Variants in KAT6B observed in about 807,000 individuals in gnomAD.
KAT6B encodes the protein lysine acetyltransferase 6B.
Under a neutral mutation model 187.5 loss-of-function variants are expected in KAT6B, and 10 were observed. The observed-to-expected ratio is 0.05, with a 90% CI of 0.03 to 0.09. The LOEUF (loss-of-function observed/expected upper bound fraction) is 0.09. KAT6B is among the 10% of genes least tolerant of loss of function. The probability of loss-of-function intolerance (pLI) is 1.00; values close to 1 mark genes in which losing one functional copy is unlikely to be tolerated. For missense variants in KAT6B, 1,952 were observed against 2,558.9 expected, an observed-to-expected ratio of 0.76 and a Z score of 5.12; for synonymous variants, 861 against 926.8, an observed-to-expected ratio of 0.93 and a Z score of 1.29.
chr10:74,919,780 C>CTT (rs1014971072), intron 3 of KAT6B, among the ~76,000 whole-genome samples: 8 of 152,252 alleles, frequency 5.3e-5, no homozygotes, highest in Admixed American at 5.2e-4. Context: ...TGCTCTATGC[C>CTT]TTTACCCTCT....
At chr10:74,970,828 A>T (rs1358373169) in intron 6 of KAT6B, among the ~76,000 whole-genome samples, 1 of 152,222 alleles carries the variant, frequency 6.6e-6, no homozygotes. Context: ...AACATTCTGT[A>T]CATGTTTTTG....
intron 3 of KAT6B, among the ~76,000 whole-genome samples, chr10:74,905,391 T>C (rs1225117881): frequency 6.6e-6 from 1 of 152,114 alleles, no homozygotes; most frequent in African/African-American, 2.4e-5. Context: ...CAGGCAGTTG[T>C]TGATTGACTG....
chr10:74,901,550 G>A (rs1846397546), intron 3 of KAT6B, among the ~76,000 whole-genome samples: 1 of 152,158 alleles, frequency 6.6e-6, no homozygotes, highest in East Asian at 1.9e-4. Context: ...GCCTCTGTTG[G>A]CTTGTTTAAG....
chr10:74,996,765 T>C, intron 13 of KAT6B, among the ~76,000 whole-genome samples: 1 of 47,580 alleles, frequency 2.1e-5, no homozygotes, highest in South Asian at 1.0e-3. Context: ...CGAGACTCGG[T>C]CTCAAAAAAA....
At chr10:74,950,039 C>A (rs10762649) in intron 3 of KAT6B, among the ~76,000 whole-genome samples, 37,517 of 151,900 alleles carry the variant, frequency 0.25, 8,358 homozygotes, top group African/African-American at 0.59. Flanking sequence ...TATAGTGCTC[C>A]CTCACAGAAC....
intron 3 of KAT6B, among the ~76,000 whole-genome samples, chr10:74,932,821 C>G (rs918636979): frequency 2.0e-5 from 3 of 152,172 alleles, no homozygotes; most frequent in Admixed American, 6.5e-5. Flanking sequence ...CATCTGTTCT[C>G]CTCCAGGAAC....
intron 3 of KAT6B, among the ~76,000 whole-genome samples, chr10:74,888,299 C>T (rs1193657513): frequency 6.6e-6 from 1 of 151,976 alleles, no homozygotes; most frequent in Non-Finnish European, 1.5e-5. Flanking sequence ...AAGACAAAAT[C>T]ACAAATATAA....
intron 16 of KAT6B, 132 bp from the exon 17 acceptor site, chr10:75,024,826 A>G: frequency 1.2e-6 from 1 of 804,784 alleles, no homozygotes; most frequent in Non-Finnish European, 2.1e-6. Context: ...TGGAAGGTTA[A>G]GTACAAAGGC....
chr10:74,944,410 A>T (rs184701544), intron 3 of KAT6B, among the ~76,000 whole-genome samples: 1 of 152,258 alleles, frequency 6.6e-6, no homozygotes, highest in African/African-American at 2.4e-5. Flanking sequence ...ATCTGACAAT[A>T]TATTGCAGTG....
chr10:75,014,346 AAG>A (rs1207071789), intron 13 of KAT6B, among the ~76,000 whole-genome samples: 1 of 152,192 alleles, frequency 6.6e-6, no homozygotes, highest in African/African-American at 2.4e-5. Flanking sequence ...TAAAGAGAGA[AAG>A]AGAGAATCTA....
At chr10:75,014,003 T>G (rs1414301027) in intron 13 of KAT6B, among the ~76,000 whole-genome samples, 1 of 152,244 alleles carries the variant, frequency 6.6e-6, no homozygotes. Context: ...CATCTTTGTT[T>G]AGTGCACATG....
chr10:74,866,371 A>G (rs2132346232), intron 3 of KAT6B, among the ~76,000 whole-genome samples: 1 of 152,144 alleles, frequency 6.6e-6, no homozygotes, highest in Middle Eastern at 3.4e-3. Context: ...ATGTATAAAT[A>G]TATGTGTGAA....
chr10:74,889,992 A>T (rs1377349703), intron 3 of KAT6B, among the ~76,000 whole-genome samples: 2 of 151,996 alleles, frequency 1.3e-5, no homozygotes, highest in Non-Finnish European at 2.9e-5. Flanking sequence ...CTTGGCCAAG[A>T]TGCCATTTGA....
intron 6 of KAT6B, among the ~76,000 whole-genome samples, 174 bp from the exon 7 acceptor site, chr10:74,972,333 A>G (rs1386551461): frequency 6.6e-6 from 1 of 152,186 alleles, no homozygotes; most frequent in Non-Finnish European, 1.5e-5. Flanking sequence ...CTCCAGGGAA[A>G]TTGACCTTAG....
chr10:74,834,710 G>T (rs909091709), intron 1 of KAT6B, among the ~76,000 whole-genome samples: 4 of 151,048 alleles, frequency 2.6e-5, no homozygotes, highest in Non-Finnish European at 5.9e-5. Context: ...TGTAGAGGTA[G>T]GGTCTTGTTG....
intron 3 of KAT6B, among the ~76,000 whole-genome samples, chr10:74,851,801 T>G (rs766949469): frequency 6.6e-6 from 1 of 152,222 alleles, no homozygotes; most frequent in Non-Finnish European, 1.5e-5. Flanking sequence ...ATATGAAATA[T>G]TTCTACAAAT....
chr10:74,842,062 G>C (rs1047091656), intron 2 of KAT6B, among the ~76,000 whole-genome samples: 68 of 152,306 alleles, frequency 4.5e-4, no homozygotes, highest in Middle Eastern at 3.4e-3. Flanking sequence ...GGGTTAGAGG[G>C]TATCATAGAC....
intron 13 of KAT6B, among the ~76,000 whole-genome samples, chr10:75,012,553 C>A (rs1162895710): frequency 6.6e-6 from 1 of 152,242 alleles, no homozygotes; most frequent in Non-Finnish European, 1.5e-5. Context: ...TTCCATGTGG[C>A]ACGTGCTATC....
chr10:74,970,475 T>G (rs1468663142), intron 6 of KAT6B, among the ~76,000 whole-genome samples: 1 of 152,066 alleles, frequency 6.6e-6, no homozygotes, highest in Admixed American at 6.6e-5. Flanking sequence ...TTTATATTTT[T>G]GAGGATGATA....
Sources: allele counts gnomAD v4.1 joint callset (sites outside exome capture counted in the v4.1 genomes callset), GRCh38; gene constraint gnomAD v4.1.1; transcripts MANE v1.5; gene names NCBI Gene and HGNC (gene_info 2026-07-23, HGNC 2026-07-21).